DLC1: variants seen among roughly 807,000 people sequenced by gnomAD.
The protein encoded by DLC1 is DLC1 Rho GTPase activating protein, also known as rho GTPase-activating protein 7.
DLC1 carries 54 observed loss-of-function variants against 140.3 expected under a neutral mutation model. The observed-to-expected ratio is 0.38, with a 90% CI of 0.31 to 0.48. The LOEUF is 0.48. Among genes scored for constraint, DLC1 ranks in the 20% least tolerant of loss-of-function variants. The pLI is 0.96. For synonymous variants in DLC1, 986 were observed against 728.1 expected, an observed-to-expected ratio of 1.35 and a Z score of -5.70; for missense variants, 2,536 against 1,907.0, an observed-to-expected ratio of 1.33 and a Z score of -6.14.
Position 13,604,189 on chromosome 8 carries a change from T to C in DLC1, c.-126+348A>G, listed in dbSNP as rs1585323428. On this transcript the variant is annotated intron_variant, in intron 1 of 1. Transcript: ENST00000631382. ...TCATCTCCTTTAAATTTAACAAATA[T>C]TTTCACTTTGAACTATGTAGCAGAA... Among the ~76,000 whole-genome samples, 4 of 152,222 alleles carry C rather than the reference T, an allele frequency of 2.6e-5. No individual in the cohort carries two copies. The East Asian group carries it at 7.7e-4, about 29-fold the overall frequency.
intron 5 of DLC1, among the ~76,000 whole-genome samples, chr8:13,246,836 G>T (rs1829785608): frequency 6.6e-6 from 1 of 152,074 alleles, no homozygotes; most frequent in Admixed American, 6.6e-5. Flanking sequence ...TCTAATATTT[G>T]TTGAATGAAT....
At chr8:13,359,131 G>A (rs1171752469) in intron 4 of DLC1, among the ~76,000 whole-genome samples, 1 of 152,078 alleles carries the variant, frequency 6.6e-6, no homozygotes, top group Non-Finnish European at 1.5e-5. Flanking sequence ...AGTAGAGATG[G>A]GGTTTCACCG....
At chr8:13,451,061 A>AAAAAAAAAAAAAAAAAAAG (rs1563357501) in intron 2 of DLC1, among the ~76,000 whole-genome samples, 8 of 138,398 alleles carry the variant, frequency 5.8e-5, no homozygotes, top group Non-Finnish European at 9.2e-5. Flanking sequence ...AAAAAAAAAA[A>AAAAAAAAAAAAAAAAAAAG]AAAAAAAGAA....
intron 5 of DLC1, among the ~76,000 whole-genome samples, chr8:13,137,471 A>G (rs1276651303): frequency 8.5e-3 from 1 of 118 alleles, no homozygotes; most frequent in Non-Finnish European, 0.014. Flanking sequence ...ATTTTGTTAT[A>G]TGGGGGTGTT....
At chr8:13,195,408 A>G (rs549530731) in intron 5 of DLC1, among the ~76,000 whole-genome samples, 2 of 152,208 alleles carry the variant, frequency 1.3e-5, no homozygotes, top group Non-Finnish European at 2.9e-5. Context: ...GCCTTCCTAT[A>G]TAAATAAATA....
intron 5 of DLC1, among the ~76,000 whole-genome samples, chr8:13,164,750 A>G (rs1035483294): frequency 1.3e-5 from 2 of 152,212 alleles, no homozygotes; most frequent in South Asian, 4.1e-4. Context: ...CTTCTCCTTC[A>G]GAGCTTTCAC....
At chr8:13,157,214 G>A (rs1344912921) in intron 5 of DLC1, among the ~76,000 whole-genome samples, 1 of 152,084 alleles carries the variant, frequency 6.6e-6, no homozygotes, top group East Asian at 1.9e-4. Context: ...TTTGGTATAA[G>A]CAAACAAGTC....
chr8:13,427,707 T>C (rs866086383), intron 2 of DLC1, among the ~76,000 whole-genome samples: 5 of 152,188 alleles, frequency 3.3e-5, no homozygotes, highest in Admixed American at 3.3e-4. Context: ...CTTGTTCTCA[T>C]GGCAATTATA....
At chr8:13,277,035 C>T (rs1831200567) in intron 5 of DLC1, among the ~76,000 whole-genome samples, 1 of 152,160 alleles carries the variant, frequency 6.6e-6, no homozygotes, top group Non-Finnish European at 1.5e-5. Flanking sequence ...GAAATGGAGA[C>T]CTGAGAGGCC....
intron 2 of DLC1, among the ~76,000 whole-genome samples, chr8:13,472,100 G>A (rs1800234389): frequency 1.3e-5 from 2 of 152,216 alleles, no homozygotes; most frequent in South Asian, 2.1e-4. Context: ...TCTGCTACAT[G>A]AGGCAGTTCC....
intron 4 of DLC1, among the ~76,000 whole-genome samples, chr8:13,361,082 A>T (rs544316254): frequency 6.6e-6 from 1 of 152,216 alleles, no homozygotes; most frequent in East Asian, 2.0e-4. Flanking sequence ...ACATACAAAA[A>T]GTAGCTGGGT....
chr8:13,320,760 A>T (rs1010394369), intron 4 of DLC1, among the ~76,000 whole-genome samples: 4 of 152,204 alleles, frequency 2.6e-5, no homozygotes, highest in Non-Finnish European at 5.9e-5. Context: ...CAGGCCTATA[A>T]TTCCAGAACT....
chr8:13,161,594 C>G (rs1432295912), intron 5 of DLC1, among the ~76,000 whole-genome samples: 1 of 152,176 alleles, frequency 6.6e-6, no homozygotes, highest in Non-Finnish European at 1.5e-5. Context: ...GCTTTAGCCT[C>G]CCAAAGTCTT....
At chr8:13,143,020 G>A (rs1473309901) in intron 5 of DLC1, among the ~76,000 whole-genome samples, 1 of 144,268 alleles carries the variant, frequency 6.9e-6, no homozygotes, top group African/African-American at 2.6e-5. Context: ...TCCAGCCTGG[G>A]CAACAAAAGT....
At chr8:13,362,901 C>G (rs1586209962) in intron 4 of DLC1, among the ~76,000 whole-genome samples, 1 of 152,160 alleles carries the variant, frequency 6.6e-6, no homozygotes, top group African/African-American at 2.4e-5. Flanking sequence ...GTTCCAGCAT[C>G]CTAGAGAGGC....
At chr8:13,516,919 C>T (rs1431822094), upstream of DLC1, among the ~76,000 whole-genome samples, 1 of 152,134 alleles carries the variant, frequency 6.6e-6, no homozygotes, top group Admixed American at 6.5e-5. Context: ...TATTCTAGCT[C>T]CAAGCTTTGT....
intron 5 of DLC1, among the ~76,000 whole-genome samples, chr8:13,167,822 G>T (rs1040326851): frequency 3.5e-4 from 54 of 152,186 alleles, no homozygotes; most frequent in African/African-American, 1.2e-3. Context: ...CAACTGGGAA[G>T]TATAACTCAC....
At chr8:13,133,504 G>T in intron 5 of DLC1, 1 of 133,142 alleles carries the variant, frequency 7.5e-6, no homozygotes, top group Non-Finnish European at 1.4e-5. Context: ...CCCCGCCCAG[G>T]CCCCGCCTCT....
At chr8:13,150,241 T>A (rs1823709014) in intron 5 of DLC1, among the ~76,000 whole-genome samples, 4 of 152,358 alleles carry the variant, frequency 2.6e-5, no homozygotes, top group South Asian at 2.1e-4. Context: ...GCCCTTTTTT[T>A]ATAAGAAAAA....
Sources: allele counts gnomAD v4.1 joint callset (sites outside exome capture counted in the v4.1 genomes callset), GRCh38; gene constraint gnomAD v4.1.1; transcripts MANE v1.5; gene names NCBI Gene and HGNC (gene_info 2026-07-23, HGNC 2026-07-21).